The following CARS1 variants were observed in gnomAD, a reference collection of about 807,000 sequenced individuals.
CARS1 encodes cysteinyl-tRNA synthetase 1.
A neutral mutation model predicts 106.2 loss-of-function variants in CARS1; 48 were observed. That is an observed-to-expected ratio of 0.45 (90% CI 0.36 to 0.57). The LOEUF is 0.57. Ranked by LOEUF, CARS1 falls within the 20% of genes least tolerant of loss-of-function variation. The pLI is 0.00. For missense variants in CARS1, 968 were observed against 1,057.2 expected (o/e 0.92, Z 1.17); for synonymous variants, 409 against 403.4 (o/e 1.01, Z -0.17).
At chr11:3,054,915 C>T (rs373847539) in intron 1 of CARS1, 12 of 702,478 alleles carry the variant, frequency 1.7e-5, no homozygotes, top group Admixed American at 1.2e-4. Flanking sequence ...CAAGTCTGTG[C>T]GGAAAGGCCC....
At position 3,043,070 on chromosome 11, in the gene CARS1, G is replaced by A. The variant is rs1020825149; in HGVS notation, c.275-814C>T. 6.6e-6 allele frequency among the ~76,000 whole-genome samples: 1 copy of A among 152,184 alleles called. No individual in the cohort carries two copies. The highest frequency in any genetic ancestry group is 2.4e-5 in the African/African-American group (1 of 41,450). On this transcript the variant is annotated intron_variant, in intron 2 of 22. Coordinates refer to ENST00000380525, the MANE Select transcript of CARS1 (RefSeq NM_001014437.3). This position sits in a 1 kb window ranked among gnomAD's most constrained non-coding sequence, Gnocchi z 4.0. ...CTGAGCTCCTCTCAGCCTCCAGGCA[G>A]AGACCCCTGCCAGCCAGCCCCTCAG...
Position 3,008,716 on chromosome 11 carries a change from A to G in CARS1, c.2069-1757T>C, listed in dbSNP as rs1850149924. Reference sequence around the variant, plus strand: ...TTCCGGAGTTTCAACCTCCCCAGGCAGAGACCTAGGGGAACAATGGCCTTT... The same window carrying G: ...TTCCGGAGTTTCAACCTCCCCAGGCGGAGACCTAGGGGAACAATGGCCTTT... On this transcript the variant is annotated intron_variant, in intron 18 of 22. Coordinates refer to ENST00000380525, the MANE Select transcript of CARS1 (RefSeq NM_001014437.3). The surrounding 1 kb of genome is among the most constrained non-coding windows in gnomAD (Gnocchi z 5.1). 1 of 152,100 alleles carries G rather than the reference A, an allele frequency of 6.6e-6. No homozygotes were observed. The highest frequency in any genetic ancestry group is 2.1e-4 in the South Asian group (1 of 4,822). The allele number at this position is 152,100 out of a possible 1,614,324, so 9.4% of individuals were successfully genotyped here.
intron 18 of CARS1, among the ~76,000 whole-genome samples, chr11:3,011,989 G>A (rs888132414): frequency 6.6e-6 from 1 of 152,256 alleles, no homozygotes; most frequent in East Asian, 1.9e-4. Context: ...GCAGGGACAT[G>A]TGGGGCTGTG....
rs137869414 is a variant in CARS1, at chr11:3,016,104, A to G, written c.1918-255T>C. Among the ~76,000 whole-genome samples, 265 of 152,076 alleles carry G rather than the reference A, an allele frequency of 1.7e-3. 5 individuals carry two copies. In the East Asian group the frequency reaches 0.046, roughly 27 times the overall value. On this transcript the variant is annotated intron_variant, in intron 16 of 22. Coordinates refer to ENST00000380525, the MANE Select transcript of CARS1 (RefSeq NM_001014437.3). ...CACTGGAGCCCAACAACAAGGAAAG[A>G]GGAGGAGAGGGGAGGGGAGTTGAGT...
chr11:3,012,437 G>A (rs889270730), intron 17 of CARS1, among the ~76,000 whole-genome samples, 161 bp from the exon 18 acceptor site: 3 of 152,208 alleles, frequency 2.0e-5, no homozygotes, highest in Non-Finnish European at 4.4e-5. Flanking sequence ...GGACGCTCTC[G>A]TCCCTGACAC....
chr11:3,051,213 A>G (rs1261380903), intron 1 of CARS1, among the ~76,000 whole-genome samples: 1 of 152,238 alleles, frequency 6.6e-6, no homozygotes, highest in Non-Finnish European at 1.5e-5. Flanking sequence ...CCAGAGACAT[A>G]AGAACAAGTC....
intron 17 of CARS1, among the ~76,000 whole-genome samples, chr11:3,014,478 C>T (rs79461795): frequency 0.017 from 2,590 of 152,338 alleles, 73 homozygotes; most frequent in African/African-American, 0.059. Context: ...GATGCGGATG[C>T]GTGTCCACAG....
At chr11:3,031,641 G>T (rs1446302442) in intron 7 of CARS1, 1 of 152,164 alleles carries the variant, frequency 6.6e-6, no homozygotes, top group African/African-American at 2.4e-5. Flanking sequence ...TAGGTCATAG[G>T]GCAAACCACT....
chr11:3,025,184 C>T (rs1851927906), intron 10 of CARS1, among the ~76,000 whole-genome samples: 1 of 152,302 alleles, frequency 6.6e-6, no homozygotes, highest in Non-Finnish European at 1.5e-5. Flanking sequence ...ATGTGTCAAC[C>T]TGGCTATCTC....
At chr11:3,015,360 A>G (rs559461510) in intron 17 of CARS1, among the ~76,000 whole-genome samples, 32 of 152,262 alleles carry the variant, frequency 2.1e-4, no homozygotes, top group Non-Finnish European at 4.0e-4. Flanking sequence ...ACAGTGGCGT[A>G]TCTCCCCATC....
chr11:3,011,066 T>C (rs938910873), intron 18 of CARS1, among the ~76,000 whole-genome samples: 1 of 152,154 alleles, frequency 6.6e-6, no homozygotes, highest in Non-Finnish European at 1.5e-5. Context: ...TTTTGGAGGA[T>C]CATGGTGGTA....
intron 20 of CARS1, 37 bp downstream of exon 20, chr11:3,005,329 A>G (rs746158886): frequency 6.8e-7 from 1 of 1,479,218 alleles, no homozygotes; most frequent in South Asian, 1.1e-5. Context: ...TACATTTTCA[A>G]CAAATATCAC....
Position 3,044,787 on chromosome 11 carries a change from A to G in CARS1, c.275-2531T>C, listed in dbSNP as rs1353860880. On this transcript the variant is annotated intron_variant, in intron 2 of 22. Coordinates refer to ENST00000380525, the MANE Select transcript of CARS1 (RefSeq NM_001014437.3). The surrounding 1 kb of genome is among the most constrained non-coding windows in gnomAD (Gnocchi z 4.4). ...GTGATCCAACAACAGACCAACTATGAACCGCTCATGAGAGACATGGCTTTG... is the reference window on the plus strand; with the variant it reads ...GTGATCCAACAACAGACCAACTATGGACCGCTCATGAGAGACATGGCTTTG... Among the ~76,000 whole-genome samples, 2 of 152,146 alleles carry G rather than the reference A, an allele frequency of 1.3e-5. No homozygotes were observed. The highest frequency in any genetic ancestry group is 4.8e-5 in the African/African-American group (2 of 41,430).
In CARS1 at chr11:3,028,570, C is replaced by A; in HGVS notation, c.1031+426G>T. On this transcript the variant is annotated intron_variant, in intron 9 of 22. Coordinates refer to ENST00000380525, the MANE Select transcript of CARS1 (RefSeq NM_001014437.3). The surrounding 1 kb of genome is among the most constrained non-coding windows in gnomAD (Gnocchi z 4.4). ...GGGAAGTGTATGATGGATTTGCCAA[C>A]AAAAAGTCACTAAAATCATAGCCAA... The A allele has an allele frequency of 3.9e-6, 1 of 253,176 alleles. No individual in the cohort carries two copies. Among genetic ancestry groups the A allele is most frequent in the Non-Finnish European group, 7.4e-6 (1 of 134,908 alleles). 15.7% of individuals were successfully genotyped at this position (253,176 alleles called of 1,614,324 possible).
Position 3,017,806 on chromosome 11 carries a change from G to A in CARS1, c.1727+51C>T, listed in dbSNP as rs1161906924. ...CATGGTGGCCAAGATGCGAGGCTAGGCATAGAACATGGGCATGCTCAAAAA... is the reference window on the plus strand; with the variant it reads ...CATGGTGGCCAAGATGCGAGGCTAGACATAGAACATGGGCATGCTCAAAAA... On this transcript the variant is annotated intron_variant, in intron 15 of 22. Transcript: ENST00000380525. This position sits in a 1 kb window ranked among gnomAD's most constrained non-coding sequence, Gnocchi z 4.9. 1.6e-6 allele frequency: 2 copies of A among 1,216,798 alleles called. No individual in the cohort carries two copies. The highest frequency in any genetic ancestry group is 2.4e-6 in the Non-Finnish European group (2 of 819,378). The allele number at this position is 1,216,798 out of a possible 1,614,324, so 75.4% of individuals were successfully genotyped here.
Position 3,045,272 on chromosome 11 carries a change from C to G in CARS1, c.274+2481G>C, listed in dbSNP as rs1333350426. 1.3e-5 allele frequency among the ~76,000 whole-genome samples: 2 copies of G among 152,044 alleles called. No individual in the cohort carries two copies. Among genetic ancestry groups the G allele is most frequent in the East Asian group, 3.9e-4 (2 of 5,178 alleles). On this transcript the variant is annotated intron_variant, in intron 2 of 22. Coordinates refer to ENST00000380525, the MANE Select transcript of CARS1 (RefSeq NM_001014437.3). The surrounding 1 kb of genome is among the most constrained non-coding windows in gnomAD (Gnocchi z 5.6). ...AGCAGAGCCTTTCCATTATCTCCAA[C>G]CCCCCACCCCGAGACGGAGTCTCGC... is the stretch of plus-strand genomic sequence containing the variant.
rs367658356 is a variant in CARS1 at position 3,039,577 on chromosome 11, G to A, written c.552+258C>T. Among the ~76,000 whole-genome samples the A allele has an allele frequency of 3.9e-5, 6 of 152,294 alleles. No homozygotes were observed. In the East Asian group the frequency reaches 1.2e-3, roughly 29 times the overall value. On this transcript the variant is annotated intron_variant, in intron 5 of 22. Coordinates refer to ENST00000380525, the MANE Select transcript of CARS1 (RefSeq NM_001014437.3). The surrounding 1 kb of genome is among the most constrained non-coding windows in gnomAD (Gnocchi z 5.6). The stretch of plus-strand genomic sequence containing the variant: ...CCACATGTCGAAGTGCGTGCTGTGG[G>A]AGGCCTTCCTTCTGCAAAACACCCA...
intron 18 of CARS1, among the ~76,000 whole-genome samples, chr11:3,010,316 C>T (rs978811302): frequency 2.0e-5 from 3 of 152,194 alleles, no homozygotes; most frequent in Non-Finnish European, 4.4e-5. Context: ...CCGGGCTCGG[C>T]CTTCGATGTC....
At chr11:3,024,197 T>G (rs1197142805) in intron 10 of CARS1, among the ~76,000 whole-genome samples, 1 of 152,194 alleles carries the variant, frequency 6.6e-6, no homozygotes, top group Admixed American at 6.5e-5. Flanking sequence ...GGCACCTCAC[T>G]TATTTTCCAT....
Sources: gnomAD v4.1 joint callset for allele counts (sites outside exome capture counted in the v4.1 genomes callset) on GRCh38, gnomAD v4.1.1 for gene constraint, Gnocchi (gnomAD v3.1) non-coding constraint, MANE v1.5 for transcripts, NCBI Gene and HGNC (gene_info 2026-07-23, HGNC 2026-07-21) for gene names.